Variants in CHD9 observed in about 807,000 individuals in gnomAD.
The protein encoded by CHD9 is ATP-dependent chromatin remodeler CHD9.
In CHD9, 77 loss-of-function variants were observed where a neutral mutation model predicts 316.1. The ratio of observed to expected loss-of-function variants is 0.24; its 90% CI spans 0.20 to 0.29. The LOEUF (loss-of-function observed/expected upper bound fraction) is 0.29. Among genes scored for constraint, CHD9 ranks in the 10% least tolerant of loss-of-function variants. The pLI is 1.00. For missense variants in CHD9, 2,763 were observed against 3,438.1 expected, an observed-to-expected ratio of 0.80 and a Z score of 4.91; for synonymous variants, 1,129 against 1,158.3, an observed-to-expected ratio of 0.97 and a Z score of 0.51.
chr16:53,245,573 C>T lies in CHD9; in HGVS notation c.3199-22C>T. 6.5e-7 allele frequency: 1 copy of T among 1,538,678 alleles called. No individual in the cohort carries two copies. The highest frequency in any genetic ancestry group is 8.7e-7 in the Non-Finnish European group (1 of 1,147,396). On this transcript the variant is annotated intron_variant, in intron 14 of 38. Coordinates refer to ENST00000447540, the MANE Select transcript of CHD9 (RefSeq NM_001308319.2). The surrounding 1 kb of genome is among the most constrained non-coding windows in gnomAD (Gnocchi z 4.1). ...TTAAATGCTCACTTATGTTATATGT[C>T]TTTTTATCATTTTTTATTCAGGTAC... is the stretch of plus-strand genomic sequence containing the variant.
At chr16:53,323,594 T>C (rs1216142751) in intron 38 of CHD9, among the ~76,000 whole-genome samples, 1 of 152,242 alleles carries the variant, frequency 6.6e-6, no homozygotes, top group East Asian at 1.9e-4. Context: ...TGAAGCATCT[T>C]ACTATAACCT....
Position 53,288,026 on chromosome 16 carries a change from A to G in CHD9, c.5247+12A>G. 1.3e-6 allele frequency: 2 copies of G among 1,592,722 alleles called. No individual in the cohort carries two copies. Among genetic ancestry groups the G allele is most frequent in the South Asian group, 1.1e-5 (1 of 90,362 alleles). On this transcript the variant is annotated intron_variant, in intron 27 of 38. Coordinates refer to ENST00000447540, the MANE Select transcript of CHD9 (RefSeq NM_001308319.2). The stretch of plus-strand genomic sequence containing the variant: ...AAGATGATATAGAGGTATGCATTGG[A>G]TCATATTTTTAAATCCTCAATTTTA...
intron 1 of CHD9, among the ~76,000 whole-genome samples, chr16:53,147,495 C>T (rs542830211): frequency 5.9e-5 from 9 of 152,164 alleles, no homozygotes; most frequent in Non-Finnish European, 1.0e-4. Flanking sequence ...GTACCCATTA[C>T]CAAATAACTT....
At chr16:53,249,115 T>C (rs1459456252) in intron 16 of CHD9, among the ~76,000 whole-genome samples, 2 of 152,264 alleles carry the variant, frequency 1.3e-5, no homozygotes, top group African/African-American at 4.8e-5. Context: ...CAATTTCTGT[T>C]GTAATAAATT....
chr16:53,125,936 TTC>T (rs1338351516), intron 1 of CHD9, among the ~76,000 whole-genome samples: 1 of 152,228 alleles, frequency 6.6e-6, no homozygotes, highest in African/African-American at 2.4e-5. Context: ...TTTTCTCTCA[TTC>T]TGTTTTGTCT....
At chr16:53,061,960 ACAAAGTCT>A (rs1311611798) in intron 1 of CHD9, among the ~76,000 whole-genome samples, 3 of 152,216 alleles carry the variant, frequency 2.0e-5, no homozygotes, top group Admixed American at 6.5e-5. Flanking sequence ...ACCCAAGAGC[ACAAAGTCT>A]CAGAATGGGA....
intron 22 of CHD9, among the ~76,000 whole-genome samples, chr16:53,272,587 T>C (rs555603558): frequency 6.6e-6 from 1 of 152,304 alleles, no homozygotes; most frequent in Admixed American, 6.5e-5. Context: ...AGTTATGTAA[T>C]AAATTATTAT....
chr16:53,073,151 G>A (rs747281642), intron 1 of CHD9, among the ~76,000 whole-genome samples: 5 of 152,070 alleles, frequency 3.3e-5, no homozygotes, highest in African/African-American at 7.2e-5. Context: ...TCGCCTCCCC[G>A]TAGCCCTGGC....
chr16:53,090,318 T>C (rs1482680897), intron 1 of CHD9, among the ~76,000 whole-genome samples: 2 of 152,244 alleles, frequency 1.3e-5, no homozygotes, highest in African/African-American at 2.4e-5. Flanking sequence ...GGGGCTGAGC[T>C]GATCATTCCA....
chr16:53,083,049 A>G (rs2035167686), intron 1 of CHD9, among the ~76,000 whole-genome samples: 1 of 152,212 alleles, frequency 6.6e-6, no homozygotes, highest in Non-Finnish European at 1.5e-5. Context: ...CCAGGTACCA[A>G]GAGGATATTC....
chr16:53,208,283 A>G (rs1196128585), intron 2 of CHD9: 1 of 1,271,470 alleles, frequency 7.9e-7, no homozygotes, highest in Admixed American at 2.5e-5. Flanking sequence ...GGGGTGGTGA[A>G]AAAGCAGAGG....
chr16:53,222,451 G>A (rs931871046), intron 3 of CHD9, among the ~76,000 whole-genome samples, 193 bp from the exon 4 acceptor site: 5 of 152,126 alleles, frequency 3.3e-5, no homozygotes, highest in African/African-American at 7.2e-5. Context: ...ACATAGAATT[G>A]GATGGTGTTT....
At chr16:53,130,812 G>A (rs1485871813) in intron 1 of CHD9, 1 of 151,852 alleles carries the variant, frequency 6.6e-6, no homozygotes, top group Non-Finnish European at 1.5e-5. Flanking sequence ...CTGGAGCCGC[G>A]GCAGGAGCGG....
chr16:53,250,330 A>G (rs2050022055), intron 17 of CHD9: 1 of 354,296 alleles, frequency 2.8e-6, no homozygotes, highest in African/African-American at 2.2e-5. Flanking sequence ...TGAGTACAGT[A>G]CTTTTTGTTT....
At chr16:53,087,942 T>C (rs879942697) in intron 1 of CHD9, among the ~76,000 whole-genome samples, 9 of 147,782 alleles carry the variant, frequency 6.1e-5, no homozygotes, top group African/African-American at 1.6e-4. Flanking sequence ...AGCAAGAGTC[T>C]GTCTCAAAAA....
At position 53,134,275 on chromosome 16, in the gene CHD9, G is replaced by A. The variant is rs146615880; in HGVS notation, c.-164-21651G>A. ...AGATTGGAGTCAGAAGAGATTTATGGATACTGATGAGATAGAGTTATTTTA... is the reference window on the plus strand; with the variant it reads ...AGATTGGAGTCAGAAGAGATTTATGAATACTGATGAGATAGAGTTATTTTA... On this transcript the variant is annotated intron_variant, in intron 1 of 38. Transcript: ENST00000447540. Among the ~76,000 whole-genome samples the A allele has an allele frequency of 4.1e-3, 628 of 152,298 alleles. 3 individuals are homozygous for A. The highest frequency in any genetic ancestry group is 0.014 in the African/African-American group (564 of 41,570).
At chr16:53,089,462 A>G (rs1029288950) in intron 1 of CHD9, among the ~76,000 whole-genome samples, 2 of 152,214 alleles carry the variant, frequency 1.3e-5, no homozygotes, top group Non-Finnish European at 2.9e-5. Context: ...TAAGTTTCAC[A>G]TATTTAATAT....
chr16:53,157,162 A>C lies in CHD9; in HGVS notation c.1073A>C (p.His358Pro). 6.2e-7 allele frequency: 1 copy of C among 1,609,624 alleles called. No individual in the cohort carries two copies. The highest frequency in any genetic ancestry group is 8.5e-7 in the Non-Finnish European group (1 of 1,177,552). Reference sequence around the variant, plus strand: ...AGCAATTCAAAATTATCTCCTGTGCACATGAACTTCCCAGATCCTGTTGAC... The same window carrying C: ...AGCAATTCAAAATTATCTCCTGTGCCCATGAACTTCCCAGATCCTGTTGAC... ...NYSNSKLSPV[H>P]MNFPDPVDSG... Residue 358 changes from histidine to proline, a missense_variant, in exon 2 of 39, where the codon CAC becomes CCC. His to Pro is a moderately conservative substitution (Grantham distance 77). Around this residue, in one of 15 missense-constraint regions of CHD9, gnomAD observed 859 missense variants for 890.4 expected, o/e 0.96. Coordinates refer to ENST00000447540, the MANE Select transcript of CHD9 (RefSeq NM_001308319.2).
chr16:53,075,166 C>T (rs1337541451), intron 1 of CHD9, among the ~76,000 whole-genome samples: 1 of 152,038 alleles, frequency 6.6e-6, no homozygotes, highest in East Asian at 1.9e-4. Flanking sequence ...TTGCATGGGC[C>T]CTGTAACCCC....
Sources: gnomAD v4.1 joint callset for allele counts (sites outside exome capture counted in the v4.1 genomes callset) on GRCh38, gnomAD v4.1.1 for gene constraint, gnomAD v4.1.1 regional missense constraint, Gnocchi (gnomAD v3.1) non-coding constraint, MANE v1.5 for transcripts, NCBI Gene and HGNC (gene_info 2026-07-23, HGNC 2026-07-21) for gene names.